The following ACYP2 variants were observed in gnomAD, a reference collection of about 807,000 sequenced individuals.
The protein encoded by ACYP2 is acylphosphatase 2, also known as acylphosphatase-2.
A neutral mutation model predicts 11.2 loss-of-function variants in ACYP2; 12 were observed. That is an observed-to-expected ratio of 1.08 (90% confidence interval 0.69 to 1.74). The LOEUF is 1.74. Among genes scored for constraint, ACYP2 ranks in the 40% most tolerant of loss-of-function variants. The probability of loss-of-function intolerance (pLI) is 0.00; values close to 1 mark genes in which losing one functional copy is unlikely to be tolerated. For missense variants in ACYP2, 134 were observed against 101.9 expected (o/e 1.31, Z -1.35); for synonymous variants, 43 against 32.2 (o/e 1.33, Z -1.13).
chr2:54,291,870 G>A (rs1689322210), intron 6 of ACYP2, among the ~76,000 whole-genome samples: 1 of 152,322 alleles, frequency 6.6e-6, no homozygotes, highest in South Asian at 2.1e-4. Context: ...GATCGGGAGT[G>A]TCTTTCAGGA....
intron 6 of ACYP2, among the ~76,000 whole-genome samples, chr2:54,250,962 G>T (rs539526467): frequency 2.1e-4 from 32 of 152,298 alleles, no homozygotes; most frequent in African/African-American, 6.7e-4. Flanking sequence ...GAAATATAGA[G>T]CATCTTAAAA....
intron 4 of ACYP2, among the ~76,000 whole-genome samples, chr2:54,123,952 G>C (rs1680309862): frequency 6.6e-6 from 1 of 152,180 alleles, no homozygotes; most frequent in Admixed American, 6.5e-5. Flanking sequence ...AGTAAAATCA[G>C]AGTTCTGTTA....
At chr2:54,088,499 C>T (rs1572722397) in intron 4 of ACYP2, among the ~76,000 whole-genome samples, 1 of 152,196 alleles carries the variant, frequency 6.6e-6, no homozygotes, top group African/African-American at 2.4e-5. Flanking sequence ...TTACTCTGCC[C>T]TCTCCATCTC....
At chr2:54,205,807 CA>C (rs1685052251) in intron 6 of ACYP2, among the ~76,000 whole-genome samples, 1 of 152,124 alleles carries the variant, frequency 6.6e-6, no homozygotes, top group East Asian at 1.9e-4. Context: ...AGAGTGTTTG[CA>C]TAATTGGGTC....
chr2:54,207,420 G>A (rs897381915), intron 6 of ACYP2, among the ~76,000 whole-genome samples: 1 of 152,008 alleles, frequency 6.6e-6, no homozygotes, highest in African/African-American at 2.4e-5. Context: ...TCTTCAATTG[G>A]TTGGGTGACA....
intron 2 of ACYP2, among the ~76,000 whole-genome samples, chr2:54,005,257 C>G (rs1360258236): frequency 6.6e-6 from 1 of 151,906 alleles, no homozygotes; most frequent in Non-Finnish European, 1.5e-5. Context: ...TACTCTAGCA[C>G]CATTTGTTGA....
intron 6 of ACYP2, among the ~76,000 whole-genome samples, chr2:54,289,523 T>G (rs186606831): frequency 1.3e-5 from 2 of 152,148 alleles, no homozygotes; most frequent in South Asian, 4.1e-4. Context: ...ACCTTCTATT[T>G]TGTTCTATAT....
At chr2:54,064,322 G>A (rs1676626084) in intron 4 of ACYP2, among the ~76,000 whole-genome samples, 1 of 152,208 alleles carries the variant, frequency 6.6e-6, no homozygotes, top group Admixed American at 6.5e-5. Context: ...CACCCAGCCA[G>A]TATCTGGGTC....
At chr2:54,123,196 C>A in intron 4 of ACYP2, 1 of 395,898 alleles carries the variant, frequency 2.5e-6, no homozygotes, top group Non-Finnish European at 4.4e-6. Flanking sequence ...AATGATACGC[C>A]TCCTCACAGA....
intron 6 of ACYP2, chr2:54,256,210 C>T (rs1371375443): frequency 7.8e-6 from 12 of 1,531,990 alleles, no homozygotes; most frequent in Middle Eastern, 1.8e-4. Context: ...GTAGCGTCAA[C>T]GTTCCTCACA....
At chr2:54,195,528 C>T (rs1684427167) in intron 6 of ACYP2, among the ~76,000 whole-genome samples, 1 of 151,220 alleles carries the variant, frequency 6.6e-6, no homozygotes, top group Admixed American at 6.6e-5. Flanking sequence ...TCCCTGCTTA[C>T]AAGGATCCCA....
intron 6 of ACYP2, among the ~76,000 whole-genome samples, chr2:54,284,569 C>G (rs920943424): frequency 6.6e-6 from 1 of 152,128 alleles, no homozygotes; most frequent in Non-Finnish European, 1.5e-5. Context: ...TATTATTGCT[C>G]TCTTTCACAT....
intron 6 of ACYP2, among the ~76,000 whole-genome samples, chr2:54,280,680 C>T (rs1449242945): frequency 2.6e-5 from 4 of 152,194 alleles, no homozygotes; most frequent in Admixed American, 6.5e-5. Flanking sequence ...ATATGCCTTT[C>T]ATTTAGCAAC....
intron 4 of ACYP2, among the ~76,000 whole-genome samples, chr2:54,064,537 A>G (rs1676639517): frequency 6.6e-6 from 1 of 152,134 alleles, no homozygotes. Context: ...TTTTTAATAC[A>G]TTTCTTTGCT....
intron 4 of ACYP2, among the ~76,000 whole-genome samples, chr2:54,068,715 A>G (rs1676869481): frequency 1.3e-5 from 2 of 152,262 alleles, no homozygotes; most frequent in East Asian, 1.9e-4. Context: ...ACATGCGCCC[A>G]AAAGCATCTT....
At chr2:54,219,881 G>GTGTATATA (rs1222539416) in intron 6 of ACYP2, among the ~76,000 whole-genome samples, 26 of 99,472 alleles carry the variant, frequency 2.6e-4, no homozygotes, top group Admixed American at 8.2e-4. Context: ...GTGTGTGTGT[G>GTGTATATA]TATATATATA....
At chr2:54,227,302 A>G (rs556238722) in intron 6 of ACYP2, among the ~76,000 whole-genome samples, 20 of 152,280 alleles carry the variant, frequency 1.3e-4, no homozygotes, top group Admixed American at 1.3e-3. Context: ...TTTGAAGTCA[A>G]TAACTTATTT....
intron 2 of ACYP2, among the ~76,000 whole-genome samples, chr2:54,014,953 C>A (rs1263764320): frequency 6.6e-6 from 1 of 152,116 alleles, no homozygotes; most frequent in East Asian, 1.9e-4. Context: ...TTTTCTCTTT[C>A]TACTTCAATA....
intron 2 of ACYP2, among the ~76,000 whole-genome samples, chr2:54,017,362 C>T (rs1338306698): frequency 2.7e-5 from 4 of 147,686 alleles, no homozygotes; most frequent in African/African-American, 1.0e-4. Flanking sequence ...TTCAGTGATT[C>T]TCCTGCCTCA....
Sources: gnomAD v4.1 joint callset for allele counts (sites outside exome capture counted in the v4.1 genomes callset) on GRCh38, gnomAD v4.1.1 for gene constraint, MANE v1.5 for transcripts, NCBI Gene and HGNC (gene_info 2026-07-23, HGNC 2026-07-21) for gene names.